Variants in ITPK1 observed in about 807,000 individuals in gnomAD.
ITPK1 encodes inositol 1,3,4-trisphosphate 5/6-kinase.
A neutral mutation model predicts 45.3 loss-of-function variants in ITPK1; 21 were observed. That is an observed-to-expected ratio of 0.46 (90% CI 0.33 to 0.67). The LOEUF (loss-of-function observed/expected upper bound fraction) is 0.67. ITPK1 is among the 30% of genes least tolerant of loss of function. The probability of loss-of-function intolerance (pLI) is 0.02; values close to 1 mark genes in which losing one functional copy is unlikely to be tolerated. For synonymous variants in ITPK1, 258 were observed against 253.6 expected (o/e 1.02, Z -0.16); for missense variants, 474 against 573.5 (o/e 0.83, Z 1.77).
At chr14:93,087,553 C>G (rs891193964) in intron 2 of ITPK1, among the ~76,000 whole-genome samples, 1 of 152,218 alleles carries the variant, frequency 6.6e-6, no homozygotes, top group Non-Finnish European at 1.5e-5. Context: ...AAAATCCCAT[C>G]TGTAGTCATG....
intron 5 of ITPK1, among the ~76,000 whole-genome samples, chr14:92,964,319 A>G (rs570532571): frequency 1.3e-5 from 2 of 148,984 alleles, no homozygotes; most frequent in African/African-American, 4.9e-5. Context: ...ACAGGCCCCA[A>G]GGTCATACAG....
chr14:93,113,913 T>C (rs563346230), intron 2 of ITPK1, among the ~76,000 whole-genome samples: 1 of 152,252 alleles, frequency 6.6e-6, no homozygotes, highest in African/African-American at 2.4e-5. Context: ...CAGCAGGCCC[T>C]TGGGAAAGGC....
intron 3 of ITPK1, among the ~76,000 whole-genome samples, chr14:93,024,792 C>G (rs1449848846): frequency 6.6e-6 from 1 of 152,198 alleles, no homozygotes; most frequent in Non-Finnish European, 1.5e-5. Context: ...GGCTGTATAA[C>G]CAGCAAATCT....
At chr14:93,082,681 G>A (rs1002017446) in intron 2 of ITPK1, among the ~76,000 whole-genome samples, 1 of 152,234 alleles carries the variant, frequency 6.6e-6, no homozygotes, top group African/African-American at 2.4e-5. Context: ...GTGGGCACAT[G>A]ACCTGTCACC....
At chr14:93,053,743 G>C (rs1283041798) in intron 3 of ITPK1, among the ~76,000 whole-genome samples, 5 of 152,142 alleles carry the variant, frequency 3.3e-5, no homozygotes, top group Non-Finnish European at 7.4e-5. Context: ...GTCAGGGTAG[G>C]GCAGATACGG....
intron 2 of ITPK1, among the ~76,000 whole-genome samples, chr14:93,110,993 G>A (rs901621762): frequency 2.0e-5 from 3 of 150,984 alleles, no homozygotes; most frequent in Non-Finnish European, 4.4e-5. Context: ...CCATCCCAAC[G>A]AGGGATGTCC....
chr14:93,040,741 G>A (rs1433242157), intron 3 of ITPK1, among the ~76,000 whole-genome samples: 4 of 152,058 alleles, frequency 2.6e-5, no homozygotes, highest in Non-Finnish European at 5.9e-5. Flanking sequence ...CCCCCTCTGG[G>A]TCACTGCCAT....
intron 2 of ITPK1, among the ~76,000 whole-genome samples, chr14:93,096,568 GAAC>G (rs760249513): frequency 3.3e-5 from 5 of 152,148 alleles, no homozygotes; most frequent in African/African-American, 9.7e-5. Flanking sequence ...CACACACGAA[GAAC>G]AACAACAGGA....
intron 2 of ITPK1, among the ~76,000 whole-genome samples, chr14:93,112,818 G>A (rs964661477): frequency 2.0e-5 from 3 of 152,142 alleles, no homozygotes; most frequent in Non-Finnish European, 2.9e-5. Context: ...CGTCAGTACA[G>A]AAGCCCTGCG....
Position 92,958,660 on chromosome 14 carries a change from C to T in ITPK1, c.505-294G>A, listed in dbSNP as rs956938083. On this transcript the variant is annotated intron_variant, in intron 7 of 10. Coordinates refer to ENST00000267615, the MANE Select transcript of ITPK1 (RefSeq NM_014216.6). This position sits in a 1 kb window ranked among gnomAD's most constrained non-coding sequence, Gnocchi z 4.4. ...CTTCTGAGAGCGTGACACCACTTGT[C>T]GCACTGTGGTCCAGGGAAGGGGGCC... is the stretch of plus-strand genomic sequence containing the variant. Among the ~76,000 whole-genome samples, 7 of 152,172 alleles carry T rather than the reference C, an allele frequency of 4.6e-5. No individual in the cohort carries two copies. Among genetic ancestry groups the T allele is most frequent in the Non-Finnish European group, 7.3e-5 (5 of 68,036 alleles).
At chr14:93,054,339 T>C (rs1268740005) in intron 3 of ITPK1, among the ~76,000 whole-genome samples, 7 of 152,232 alleles carry the variant, frequency 4.6e-5, no homozygotes, top group Non-Finnish European at 1.5e-5. Flanking sequence ...GTCTGCTGCA[T>C]GGAAAACAGC....
chr14:93,085,825 G>A (rs1891627874), intron 2 of ITPK1, among the ~76,000 whole-genome samples: 1 of 152,188 alleles, frequency 6.6e-6, no homozygotes, highest in African/African-American at 2.4e-5. Context: ...TTGTTTTTGA[G>A]TCTTTTACTA....
intron 4 of ITPK1, among the ~76,000 whole-genome samples, chr14:92,999,157 G>A (rs1887206424): frequency 6.6e-6 from 1 of 152,244 alleles, no homozygotes; most frequent in African/African-American, 2.4e-5. Context: ...GAGAGCCTGT[G>A]CGTGACCCGC....
chr14:93,096,821 G>A (rs528634801), intron 2 of ITPK1, among the ~76,000 whole-genome samples: 1 of 152,152 alleles, frequency 6.6e-6, no homozygotes, highest in African/African-American at 2.4e-5. Flanking sequence ...TCATGGAGGT[G>A]GGGGATTGCC....
intron 2 of ITPK1, among the ~76,000 whole-genome samples, chr14:93,106,963 A>G (rs1456263230): frequency 1.5e-5 from 2 of 135,598 alleles, no homozygotes; most frequent in Non-Finnish European, 3.1e-5. Context: ...CCACTAACAT[A>G]CTTTTTTTTT....
intron 7 of ITPK1, among the ~76,000 whole-genome samples, chr14:92,959,311 C>G (rs946874739): frequency 6.6e-6 from 1 of 152,236 alleles, no homozygotes; most frequent in East Asian, 1.9e-4. Flanking sequence ...AGCCACCAGA[C>G]GGCTGGGGCT....
At chr14:93,045,147 C>A (rs1035064679) in intron 3 of ITPK1, among the ~76,000 whole-genome samples, 1 of 152,238 alleles carries the variant, frequency 6.6e-6, no homozygotes, top group African/African-American at 2.4e-5. Flanking sequence ...CTTGCAGGCA[C>A]AGGGCATCAA....
intron 5 of ITPK1, among the ~76,000 whole-genome samples, chr14:92,971,924 C>G (rs949861854): frequency 6.6e-6 from 1 of 152,190 alleles, no homozygotes; most frequent in African/African-American, 2.4e-5. Context: ...GCACCCCCAG[C>G]CTGCTCTGGC....
intron 4 of ITPK1, among the ~76,000 whole-genome samples, chr14:93,011,450 C>A (rs922455186): frequency 6.6e-6 from 1 of 152,264 alleles, no homozygotes; most frequent in Non-Finnish European, 1.5e-5. Context: ...GAAGGCTACA[C>A]ATGGTTTCCT....
Sources: gnomAD v4.1 joint callset for allele counts (sites outside exome capture counted in the v4.1 genomes callset) on GRCh38, gnomAD v4.1.1 for gene constraint, Gnocchi (gnomAD v3.1) non-coding constraint, MANE v1.5 for transcripts, NCBI Gene and HGNC (gene_info 2026-07-23, HGNC 2026-07-21) for gene names.